The following MCTP2 variants were observed in gnomAD, a reference collection of about 807,000 sequenced individuals.
MCTP2 encodes multiple C2 and transmembrane domain-containing protein 2.
A neutral mutation model predicts 111.6 loss-of-function variants in MCTP2; 132 were observed. That is an observed-to-expected ratio of 1.18 (90% CI 1.03 to 1.37). The LOEUF (loss-of-function observed/expected upper bound fraction) is 1.37, where lower values mean the gene tolerates loss of function less well. Among genes scored for constraint, MCTP2 ranks in the 40% most tolerant of loss-of-function variants. MCTP2 has a pLI of 0.00. For missense variants in MCTP2, 1,183 were observed against 1,067.9 expected (o/e 1.11, Z -1.50); for synonymous variants, 395 against 387.7 (o/e 1.02, Z -0.22).
At chr15:94,312,742 G>A (rs766042993) in intron 2 of MCTP2, among the ~76,000 whole-genome samples, 1 of 152,124 alleles carries the variant, frequency 6.6e-6, no homozygotes, top group Non-Finnish European at 1.5e-5. Flanking sequence ...CTTGTACTCA[G>A]GGCTCGTTTC....
intron 19 of MCTP2, among the ~76,000 whole-genome samples, chr15:94,443,981 C>CA (rs58768404): frequency 0.21 from 14,763 of 69,214 alleles, 2,440 homozygotes; most frequent in Non-Finnish European, 0.24. Flanking sequence ...GATATTTTAC[C>CA]AAAAAAAAAA....
intron 20 of MCTP2, among the ~76,000 whole-genome samples, chr15:94,460,094 A>G (rs960231258): frequency 6.6e-6 from 1 of 152,176 alleles, no homozygotes; most frequent in Non-Finnish European, 1.5e-5. Flanking sequence ...AGAAATCTCT[A>G]TTTCAATGAG....
chr15:94,475,770 G>A (rs1250905196), intron 21 of MCTP2, among the ~76,000 whole-genome samples: 1 of 152,204 alleles, frequency 6.6e-6, no homozygotes, highest in Non-Finnish European at 1.5e-5. Context: ...CCAAAGAGCA[G>A]AGTAGAAGAC....
chr15:94,391,141 A>G (rs2080943666), intron 14 of MCTP2, among the ~76,000 whole-genome samples: 1 of 151,528 alleles, frequency 6.6e-6, no homozygotes, highest in Non-Finnish European at 1.5e-5. Context: ...CTAAATTCCC[A>G]GTGTTCTCGG....
At chr15:94,251,075 A>C (rs1044098209) in intron 1 of MCTP2, among the ~76,000 whole-genome samples, 1 of 152,202 alleles carries the variant, frequency 6.6e-6, no homozygotes, top group African/African-American at 2.4e-5. Context: ...TAGTAATTTC[A>C]CATAAACATT....
chr15:94,258,371 A>T (rs1028044297), intron 1 of MCTP2, among the ~76,000 whole-genome samples: 2 of 152,162 alleles, frequency 1.3e-5, no homozygotes, highest in African/African-American at 2.4e-5. Flanking sequence ...AAGGACATGC[A>T]AATCTTTTTA....
At chr15:94,324,907 T>C (rs1341046686) in intron 4 of MCTP2, among the ~76,000 whole-genome samples, 2 of 152,236 alleles carry the variant, frequency 1.3e-5, no homozygotes, top group African/African-American at 4.8e-5. Context: ...TTTTGCTATT[T>C]AGCAGGCTAA....
At chr15:94,265,502 A>G (rs892231095) in intron 1 of MCTP2, among the ~76,000 whole-genome samples, 3 of 152,172 alleles carry the variant, frequency 2.0e-5, no homozygotes, top group Admixed American at 6.5e-5. Context: ...CTTGTAGATT[A>G]TATATACATA....
At chr15:94,390,079 T>TGC in intron 14 of MCTP2, among the ~76,000 whole-genome samples, 1 of 12,920 alleles carries the variant, frequency 7.7e-5, no homozygotes, top group African/African-American at 1.4e-4. Flanking sequence ...TATATATATA[T>TGC]ATATATATAT....
chr15:94,424,377 G>A (rs1027533833), intron 17 of MCTP2, among the ~76,000 whole-genome samples: 1 of 151,868 alleles, frequency 6.6e-6, no homozygotes, highest in Admixed American at 6.6e-5. Context: ...ATCACCTGGT[G>A]GACGCGTGTA....
At chr15:94,301,271 G>A (rs1375266581) in intron 2 of MCTP2, among the ~76,000 whole-genome samples, 1 of 152,074 alleles carries the variant, frequency 6.6e-6, no homozygotes, top group African/African-American at 2.4e-5. Flanking sequence ...ACGGGAGTGC[G>A]GCTGATCAGA....
chr15:94,262,765 G>C (rs1246452203), intron 1 of MCTP2, among the ~76,000 whole-genome samples: 1 of 151,910 alleles, frequency 6.6e-6, no homozygotes, highest in Admixed American at 6.6e-5. Flanking sequence ...CAGCCTCCTG[G>C]GTTCAAGCAA....
rs1054850820 is a variant in MCTP2, at chr15:94,483,096, G to A, written c.*4062G>A. The A allele has an allele frequency of 2.6e-5, 4 of 152,142 alleles. No homozygotes were observed. Among genetic ancestry groups the A allele is most frequent in the African/African-American group, 4.8e-5 (2 of 41,418 alleles). The allele number at this position is 152,142 out of a possible 1,614,324, so 9.4% of individuals were successfully genotyped here. A position where few individuals can be genotyped will look rare whatever the true frequency, so the allele number is the denominator to read the frequency against. ...AGGAGAGAGAGAGGGCTGGAATTTG[G>A]AATGAAAGGAGATATTTGGGATTAT... On this transcript the variant is annotated 3_prime_UTR_variant, in exon 23 of 23. Transcript: ENST00000357742.
intron 18 of MCTP2, 86 bp from the exon 19 acceptor site, chr15:94,442,833 A>G: frequency 1.8e-6 from 2 of 1,097,032 alleles, no homozygotes; most frequent in Non-Finnish European, 2.8e-6. Context: ...TGAAGTCTGT[A>G]GGCAAGCTTT....
intron 20 of MCTP2, among the ~76,000 whole-genome samples, chr15:94,464,846 T>C (rs375032010): frequency 2.8e-4 from 43 of 152,224 alleles, no homozygotes; most frequent in Middle Eastern, 6.8e-3. Context: ...ATTTCTAGAT[T>C]AATTGCTTTA....
In MCTP2 at chr15:94,478,960, T is replaced by G. The variant is rs1424651945; in HGVS notation, c.2569-6T>G. The G allele has an allele frequency of 6.2e-7, 1 of 1,613,776 alleles. No homozygotes were observed. Among genetic ancestry groups the G allele is most frequent in the African/African-American group, 1.3e-5 (1 of 74,928 alleles). ...CCGCCAGCATCACGGCTATTTGTTT[T>G]CACAGGTGCAGTATGCAGAATTGAA... is the stretch of plus-strand genomic sequence containing the variant. On this transcript the variant is annotated splice_region_variant and splice_polypyrimidine_tract_variant and intron_variant, in intron 22 of 22. Transcript: ENST00000357742.
intron 2 of MCTP2, among the ~76,000 whole-genome samples, chr15:94,311,113 A>C (rs1323438060): frequency 6.6e-6 from 1 of 150,762 alleles, no homozygotes; most frequent in Non-Finnish European, 1.5e-5. Flanking sequence ...CAACCTCCAC[A>C]ACCTGGGTTC....
At chr15:94,366,100 C>T (rs1001360154) in intron 10 of MCTP2, among the ~76,000 whole-genome samples, 1 of 152,126 alleles carries the variant, frequency 6.6e-6, no homozygotes, top group Non-Finnish European at 1.5e-5. Flanking sequence ...TTTGATTTCC[C>T]ACTTACATCA....
chr15:94,323,119 T>G (rs745633869), intron 4 of MCTP2, among the ~76,000 whole-genome samples: 1 of 152,172 alleles, frequency 6.6e-6, no homozygotes, highest in African/African-American at 2.4e-5. Context: ...CAAGGTGGGA[T>G]TTGGAGATTT....
Sources: gnomAD v4.1 joint callset for allele counts (sites outside exome capture counted in the v4.1 genomes callset) on GRCh38, gnomAD v4.1.1 for gene constraint, MANE v1.5 for transcripts, NCBI Gene and HGNC (gene_info 2026-07-23, HGNC 2026-07-21) for gene names.